The following UGT2A3 variants were observed in gnomAD, a reference collection of about 807,000 sequenced individuals.
The protein encoded by UGT2A3 is UDP-glucuronosyltransferase 2A3.
A neutral mutation model predicts 44.1 loss-of-function variants in UGT2A3; 55 were observed. The observed-to-expected ratio is 1.25, with a 90% CI of 1.00 to 1.56. UGT2A3 has a LOEUF of 1.56. Among genes scored for constraint, UGT2A3 ranks in the 40% most tolerant of loss-of-function variants. UGT2A3 has a pLI of 0.00. For synonymous variants in UGT2A3, 243 were observed against 215.1 expected (o/e 1.13, Z -1.13); for missense variants, 733 against 621.6 (o/e 1.18, Z -1.91).
intron 1 of UGT2A3, 121 bp downstream of exon 1, chr4:68,950,925 A>T (rs1274126691): frequency 1.5e-6 from 1 of 655,552 alleles, no homozygotes; most frequent in African/African-American, 1.9e-5. Context: ...TATGAAAAAC[A>T]GCTACAACAT....
At chr4:68,934,466 T>C (rs1481180849) in intron 2 of UGT2A3, among the ~76,000 whole-genome samples, 1 of 151,922 alleles carries the variant, frequency 6.6e-6, no homozygotes, top group Non-Finnish European at 1.5e-5. Context: ...ATCAGCAAAA[T>C]ATTGAGTTAG....
Position 68,930,532 on chromosome 4 carries a change from G to A in UGT2A3, c.1304+14C>T, listed in dbSNP as rs116448043. ...GTCAATGTTAGATCAGTCTGTACAA[G>A]CAGTAGTACTTACGAGGAATCGGTA... On this transcript the variant is annotated intron_variant, in intron 5 of 5. Coordinates refer to ENST00000251566, the MANE Select transcript of UGT2A3 (RefSeq NM_024743.4). 17 of 1,591,942 alleles carry A rather than the reference G, an allele frequency of 1.1e-5. No homozygotes were observed. The African/African-American group carries it at 2.2e-4, about 20-fold the overall frequency.
intron 2 of UGT2A3, among the ~76,000 whole-genome samples, chr4:68,944,107 T>C (rs1347679520): frequency 6.6e-6 from 1 of 151,852 alleles, no homozygotes; most frequent in African/African-American, 2.4e-5. Context: ...TCTGTTATTT[T>C]ATGTGTTTGG....
At chr4:68,944,680 T>C (rs1437820003) in intron 2 of UGT2A3, among the ~76,000 whole-genome samples, 1 of 151,744 alleles carries the variant, frequency 6.6e-6, no homozygotes, top group Admixed American at 6.6e-5. Flanking sequence ...ACCTTGTTTT[T>C]CTCAAATGGC....
At position 68,932,669 on chromosome 4, in the gene UGT2A3, C is replaced by T; in HGVS notation, c.955G>A (p.Ala319Thr). ...SLFQNVTEEK[A>T]NIIASALAQI... is the part of the protein sequence containing the mutation. ...GCAAGGGCTGAAGCAATGATATTAG[C>T]CTTTTCTTCTGTAACATTTTGAAAC... is the stretch of plus-strand genomic sequence containing the variant. The change falls in exon 3 of 6, where the codon GCT (alanine) becomes ACT (threonine). Residue 319 changes from alanine (A) to threonine (T), a missense_variant. Ala to Thr is a moderately conservative substitution (Grantham distance 58). Transcript: ENST00000251566. 2.5e-6 allele frequency: 4 copies of T among 1,611,762 alleles called. No individual in the cohort carries two copies. Among genetic ancestry groups the T allele is most frequent in the Non-Finnish European group, 3.4e-6 (4 of 1,178,746 alleles).
At position 68,950,981 on chromosome 4, in the gene UGT2A3, G is replaced by T; in HGVS notation, c.715+65C>A. On this transcript the variant is annotated intron_variant, in intron 1 of 5. Coordinates refer to ENST00000251566, the MANE Select transcript of UGT2A3 (RefSeq NM_024743.4). ...CCTGCATATATATGTCATAGACAAT[G>T]TATGACAATTTTTAAAAATATTTCT... 4.4e-6 allele frequency: 5 copies of T among 1,149,344 alleles called. No homozygotes were observed. The South Asian group carries it at 5.2e-5, about 12-fold the overall frequency. 71.2% of individuals were successfully genotyped at this position (1,149,344 alleles called of 1,614,324 possible).
At position 68,929,849 on chromosome 4, in the gene UGT2A3, T is replaced by C; in HGVS notation, c.1548A>G (p.Lys516=). 1 of 1,607,246 alleles carries C rather than the reference T, an allele frequency of 6.2e-7. No homozygotes were observed. The highest frequency in any genetic ancestry group is 8.5e-7 in the Non-Finnish European group (1 of 1,176,684). The change falls in exon 6 of 6, where the codon AAA becomes AAG. Residue 516 remains lysine (K), a synonymous_variant. Coordinates refer to ENST00000251566, the MANE Select transcript of UGT2A3 (RefSeq NM_024743.4). ...TTTCTATCTTTCTAGTTTTATTAAATTTTTGACAGGAAAATAAAAAACATT... is the reference window on the plus strand; with the variant it reads ...TTTCTATCTTTCTAGTTTTATTAAACTTTTGACAGGAAAATAAAAAACATT... ...FTKCFLFSCQ[K]FNKTRKIEKR...
chr4:68,949,001 A>G (rs1326184377), intron 1 of UGT2A3, among the ~76,000 whole-genome samples: 1 of 151,800 alleles, frequency 6.6e-6, no homozygotes, highest in Admixed American at 6.6e-5. Context: ...AGAGATATGC[A>G]AGAGAAAGAA....
intron 1 of UGT2A3, among the ~76,000 whole-genome samples, chr4:68,946,229 T>G (rs1036341425): frequency 6.6e-6 from 1 of 151,694 alleles, no homozygotes; most frequent in Non-Finnish European, 1.5e-5. Context: ...TAGTATCTCT[T>G]TACAAAAACA....
In UGT2A3 at chr4:68,951,291, A is replaced by G. The variant is rs1476450236; in HGVS notation, c.470T>C (p.Leu157Pro). 5.6e-6 allele frequency: 9 copies of G among 1,611,940 alleles called. No homozygotes were observed. The highest frequency in any genetic ancestry group is 1.1e-5 in the South Asian group (1 of 90,844). Residue 157 changes from leucine to proline, a missense_variant, in exon 1 of 6, where the codon CTG becomes CCG. Physicochemically the swap from Leu to Pro is moderately conservative, Grantham distance 98. Coordinates refer to ENST00000251566, the MANE Select transcript of UGT2A3 (RefSeq NM_024743.4). ...AGGGACTGCAAGCAACTCAGCCATC[A>G]GGTCTCCACAGGGAATCACAGGGTC... ...LIDPVIPCGD[L>P]MAELLAVPFV...
chr4:68,943,254 T>C (rs1718263476), intron 2 of UGT2A3: 9 of 1,066,346 alleles, frequency 8.4e-6, no homozygotes, highest in Non-Finnish European at 1.1e-5. Flanking sequence ...AGTGTGGGAA[T>C]AAAGGGTAGA....
At chr4:68,933,235 G>T (rs1195230519) in intron 2 of UGT2A3, among the ~76,000 whole-genome samples, 1 of 151,924 alleles carries the variant, frequency 6.6e-6, no homozygotes, top group Non-Finnish European at 1.5e-5. Context: ...AAAATCTTAT[G>T]GGTTCATGGA....
chr4:68,931,013 C>T, intron 4 of UGT2A3, 142 bp downstream of exon 4: 1 of 763,408 alleles, frequency 1.3e-6, no homozygotes, highest in Non-Finnish European at 2.0e-6. Context: ...CAATTTTAGT[C>T]AATCCTTTAA....
At chr4:68,940,278 G>A (rs886244098) in intron 2 of UGT2A3, among the ~76,000 whole-genome samples, 1 of 152,078 alleles carries the variant, frequency 6.6e-6, no homozygotes, top group African/African-American at 2.4e-5. Context: ...ATTCACAATA[G>A]CAAAGACTTG....
intron 2 of UGT2A3, among the ~76,000 whole-genome samples, chr4:68,944,606 T>C (rs577019853): frequency 2.0e-5 from 3 of 151,978 alleles, no homozygotes; most frequent in African/African-American, 7.2e-5. Flanking sequence ...GCAAAATTAT[T>C]TCTATGAGCT....
intron 1 of UGT2A3, 51 bp downstream of exon 1, chr4:68,950,995 A>T (rs1375607993): frequency 1.5e-6 from 2 of 1,318,866 alleles, no homozygotes; most frequent in Non-Finnish European, 2.0e-6. Context: ...GACAATTTTT[A>T]AAAATATTTC....
intron 2 of UGT2A3, among the ~76,000 whole-genome samples, chr4:68,942,594 G>T (rs978286551): frequency 1.4e-5 from 2 of 145,828 alleles, no homozygotes; most frequent in African/African-American, 5.1e-5. Context: ...GGAAAAAAAA[G>T]AATGAAATCC....
At chr4:68,936,300 A>C (rs1717950246) in intron 2 of UGT2A3, among the ~76,000 whole-genome samples, 1 of 151,964 alleles carries the variant, frequency 6.6e-6, no homozygotes, top group Non-Finnish European at 1.5e-5. Context: ...AAAATGCTAA[A>C]AGCAGCCAGA....
intron 1 of UGT2A3, among the ~76,000 whole-genome samples, chr4:68,947,791 T>A (rs1210014663): frequency 6.6e-6 from 1 of 151,838 alleles, no homozygotes; most frequent in Non-Finnish European, 1.5e-5. Flanking sequence ...GTTGACCATG[T>A]GAATTGTCAA....
Sources: allele counts gnomAD v4.1 joint callset (sites outside exome capture counted in the v4.1 genomes callset), GRCh38; gene constraint gnomAD v4.1.1; transcripts MANE v1.5; gene names NCBI Gene and HGNC (gene_info 2026-07-23, HGNC 2026-07-21).